Variants in RPF2 observed in about 807,000 individuals in gnomAD.
The protein encoded by RPF2 is brix domain containing 1.
In RPF2, 21 loss-of-function variants were observed where a neutral mutation model predicts 38.9. The ratio of observed to expected loss-of-function variants is 0.54; its 90% CI spans 0.38 to 0.78. The LOEUF (loss-of-function observed/expected upper bound fraction) is 0.78. RPF2 is among the 30% of genes least tolerant of loss of function. RPF2 has a pLI of 0.00. For synonymous variants in RPF2, 121 were observed against 126.2 expected (o/e 0.96, Z 0.28); for missense variants, 314 against 358.1 (o/e 0.88, Z 0.99).
chr6:111,012,070 C>CTTT, intron 7 of RPF2, among the ~76,000 whole-genome samples: 1 of 133,394 alleles, frequency 7.5e-6, no homozygotes, highest in African/African-American at 2.7e-5. Context: ...TAGGAAGTTC[C>CTTT]TTTTTTTTTT....
chr6:110,994,770 C>T (rs3221810), intron 4 of RPF2, among the ~76,000 whole-genome samples: 19,169 of 145,854 alleles, frequency 0.13, 1,630 homozygotes, highest in East Asian at 0.41. Flanking sequence ...CACACACACA[C>T]GAGTATGTAT....
chr6:111,001,238 A>T (rs1771807106), intron 6 of RPF2, among the ~76,000 whole-genome samples: 1 of 152,252 alleles, frequency 6.6e-6, no homozygotes, highest in Non-Finnish European at 1.5e-5. Context: ...AATCACATGT[A>T]AAATAAGTAT....
chr6:111,000,181 C>T (rs190139297), intron 6 of RPF2, among the ~76,000 whole-genome samples: 5 of 152,274 alleles, frequency 3.3e-5, no homozygotes, highest in Admixed American at 6.5e-5. Flanking sequence ...ACATGGCTTA[C>T]TTCAGCCTTG....
Position 111,012,350 on chromosome 6 carries a change from C to T in RPF2, c.494-3404C>T, listed in dbSNP as rs1399232075. 2.6e-5 allele frequency among the ~76,000 whole-genome samples: 4 copies of T among 151,742 alleles called. No homozygotes were observed. The East Asian group carries it at 7.8e-4, about 30-fold the overall frequency. ...CACGCCCAGCTAATTTTTTTTATTT[C>T]TTGTAGACATGAGGTCTTGCTGCAT... On this transcript the variant is annotated intron_variant, in intron 7 of 9. Coordinates refer to ENST00000441448, the MANE Select transcript of RPF2 (RefSeq NM_032194.3).
rs2114313905 is a variant in RPF2, at chr6:110,999,713, C to T, written c.319C>T (p.Arg107Cys). 4 of 1,595,172 alleles carry T rather than the reference C, an allele frequency of 2.5e-6. 1 individual carries two copies. The highest frequency in any genetic ancestry group is 2.2e-5 in the South Asian group (2 of 90,600). ...TTAAAAATACATTTTCCTTCCAGGT[C>T]GTATGTATGACTACCATGTGCTGGA... ...KKRPNNLVIGRMYDYHVLDMI... is the reference protein window; with the variant it reads ...KKRPNNLVIGCMYDYHVLDMI... The change falls in exon 6 of 10, where the codon CGT (arginine) becomes TGT (cysteine). Residue 107 changes from arginine (R) to cysteine (C), a missense_variant and splice_region_variant. By Grantham distance (180) the Arg-to-Cys change is radical. Coordinates refer to ENST00000441448, the MANE Select transcript of RPF2 (RefSeq NM_032194.3).
chr6:110,998,958 A>T (rs947533842), intron 5 of RPF2, among the ~76,000 whole-genome samples: 1 of 152,020 alleles, frequency 6.6e-6, no homozygotes, highest in East Asian at 1.9e-4. Context: ...AAAAAAAAAA[A>T]AAAAATTTAT....
In RPF2 at chr6:110,994,734, T is replaced by TACACACACACACACAC. The variant is rs71021820; in HGVS notation, c.235-2428_235-2413dup. Among the ~76,000 whole-genome samples the TACACACACACACACAC allele has an allele frequency of 8.5e-4, 114 of 134,134 alleles. 2 individuals are homozygous for TACACACACACACACAC. The highest frequency in any genetic ancestry group is 3.0e-3 in the African/African-American group (93 of 31,246). 88.0% of individuals were successfully genotyped at this position (134,134 alleles called of 152,430 possible). A position where few individuals can be genotyped will look rare whatever the true frequency, so the allele number is the denominator to read the frequency against. On this transcript the variant is annotated intron_variant, in intron 4 of 9. Coordinates refer to ENST00000441448, the MANE Select transcript of RPF2 (RefSeq NM_032194.3). ...TTGTGGAGAATGGGATGAGTATATA[T>TACACACACACACACAC]ACACACACACACACACACACACACA... is the stretch of plus-strand genomic sequence containing the variant.
At chr6:111,006,517 G>A (rs1371058648) in intron 6 of RPF2, among the ~76,000 whole-genome samples, 2 of 152,034 alleles carry the variant, frequency 1.3e-5, no homozygotes, top group African/African-American at 2.4e-5. Flanking sequence ...GATTATAGGC[G>A]TGAACCACTG....
chr6:110,988,888 A>C (rs1245079046), intron 2 of RPF2, 140 bp from the exon 3 acceptor site: 2 of 1,078,296 alleles, frequency 1.9e-6, no homozygotes, highest in Non-Finnish European at 2.6e-6. Flanking sequence ...GTAAGTGATG[A>C]AAAGGGAGCC....
chr6:110,990,511 C>T (rs886507541), intron 3 of RPF2, among the ~76,000 whole-genome samples: 7 of 151,200 alleles, frequency 4.6e-5, no homozygotes, highest in South Asian at 2.1e-4. Flanking sequence ...GATTATAATC[C>T]AGTGTTCTTA....
chr6:111,019,332 C>T (rs1377882465), intron 8 of RPF2, among the ~76,000 whole-genome samples: 1 of 152,104 alleles, frequency 6.6e-6, no homozygotes, highest in African/African-American at 2.4e-5. Context: ...CCCGGCTACT[C>T]AGGCGGCTAT....
At chr6:111,012,898 G>A (rs1273472138) in intron 7 of RPF2, among the ~76,000 whole-genome samples, 2 of 152,086 alleles carry the variant, frequency 1.3e-5, no homozygotes, top group Non-Finnish European at 2.9e-5. Flanking sequence ...TCAAGCTCCT[G>A]GCCTCAGGTG....
At chr6:111,017,341 G>A (rs1279139077) in intron 8 of RPF2, among the ~76,000 whole-genome samples, 1 of 150,974 alleles carries the variant, frequency 6.6e-6, no homozygotes, top group African/African-American at 2.4e-5. Context: ...GGGGCGGCTG[G>A]CCGGGCGGGG....
chr6:111,006,842 G>A, intron 6 of RPF2, among the ~76,000 whole-genome samples: 1 of 151,998 alleles, frequency 6.6e-6, no homozygotes, highest in East Asian at 1.9e-4. Context: ...GGGAGGCCAA[G>A]GCGGGCAGAT....
chr6:110,985,724 A>T (rs1771513025), intron 2 of RPF2, among the ~76,000 whole-genome samples: 1 of 151,952 alleles, frequency 6.6e-6, no homozygotes, highest in Non-Finnish European at 1.5e-5. Flanking sequence ...AGGATCACGA[A>T]GTCAGAAGTT....
intron 4 of RPF2, among the ~76,000 whole-genome samples, chr6:110,992,676 C>T (rs1254951373): frequency 6.6e-6 from 1 of 151,916 alleles, no homozygotes; most frequent in East Asian, 1.9e-4. Context: ...GTATAGTCAA[C>T]CAAAACTAAA....
intron 1 of RPF2, among the ~76,000 whole-genome samples, chr6:110,984,659 G>GC (rs1438513227): frequency 2.0e-4 from 31 of 152,090 alleles, no homozygotes; most frequent in African/African-American, 6.7e-4. Flanking sequence ...GACCAACATG[G>GC]CGAAACCCTG....
At chr6:111,002,914 G>A (rs910134840) in intron 6 of RPF2, among the ~76,000 whole-genome samples, 9 of 151,554 alleles carry the variant, frequency 5.9e-5, no homozygotes, top group African/African-American at 1.5e-4. Context: ...GATTACAGGC[G>A]CCCACACTCG....
intron 8 of RPF2, among the ~76,000 whole-genome samples, chr6:111,022,287 T>A (rs1772247349): frequency 6.6e-6 from 1 of 152,206 alleles, no homozygotes; most frequent in African/African-American, 2.4e-5. Flanking sequence ...ATTTGAACAG[T>A]AGTGGTAATG....
Sources: allele counts gnomAD v4.1 joint callset (sites outside exome capture counted in the v4.1 genomes callset), GRCh38; gene constraint gnomAD v4.1.1; transcripts MANE v1.5; gene names NCBI Gene and HGNC (gene_info 2026-07-23, HGNC 2026-07-21).